The following PLAGL1 variants were observed in gnomAD, a reference collection of about 807,000 sequenced individuals.
PLAGL1 encodes the protein PLAG1 like zinc finger 1.
In PLAGL1, 1 loss-of-function variant was observed where a neutral mutation model predicts 4.6. The observed-to-expected ratio is 0.22, with a 90% CI of 0.08 to 1.03. The LOEUF (loss-of-function observed/expected upper bound fraction) is 1.03, where lower values mean the gene tolerates loss of function less well. PLAGL1 is among the 50% of genes least tolerant of loss of function. PLAGL1 has a pLI of 0.58. For missense variants in PLAGL1, 464 were observed against 570.4 expected (o/e 0.81, Z 1.90); for synonymous variants, 240 against 237.8 (o/e 1.01, Z -0.08).
At position 144,006,249 on chromosome 6, in the gene PLAGL1, C is replaced by T. The variant is rs1183166841; in HGVS notation, c.-584+1841G>A. The T allele has an allele frequency of 2.6e-5, 4 of 151,752 alleles. No homozygotes were observed. Among genetic ancestry groups the T allele is most frequent in the East Asian group, 1.9e-4 (1 of 5,190 alleles). The allele number at this position is 151,752 out of a possible 1,614,324, so 9.4% of individuals were successfully genotyped here. A position where few individuals can be genotyped will look rare whatever the true frequency, so the allele number is the denominator to read the frequency against. On this transcript the variant is annotated intron_variant, in intron 1 of 7. Coordinates refer to ENST00000674357, the MANE Select transcript of PLAGL1 (RefSeq NM_001317162.2). This position sits in a 1 kb window ranked among gnomAD's most constrained non-coding sequence, Gnocchi z 4.3. Reference sequence around the variant, plus strand: ...GAAGCCAGGAAATAAGAATAACAGACGGAGAGCCCTAGACTCAGGCTTCTT... The same window carrying T: ...GAAGCCAGGAAATAAGAATAACAGATGGAGAGCCCTAGACTCAGGCTTCTT...
chr6:143,971,357 T>C lies in PLAGL1; in HGVS notation c.-543-2379A>G, dbSNP rs1017590118. Among the ~76,000 whole-genome samples, 1 of 152,188 alleles carries C rather than the reference T, an allele frequency of 6.6e-6. No homozygotes were observed. The highest frequency in any genetic ancestry group is 1.5e-5 in the Non-Finnish European group (1 of 68,028). ...TGCAAATAAGTTTCCTTAAAAATAA[T>C]CTTGGTAGTGAACATAAAACAAAAA... On this transcript the variant is annotated intron_variant, in intron 2 of 7. Coordinates refer to ENST00000674357, the MANE Select transcript of PLAGL1 (RefSeq NM_001317162.2). The surrounding 1 kb of genome is among the most constrained non-coding windows in gnomAD (Gnocchi z 4.7).
chr6:144,016,208 A>C lies in PLAGL1; in HGVS notation c.-150-47230T>G, dbSNP rs2103888. Among the ~76,000 whole-genome samples the C allele has an allele frequency of 0.99, 150,738 of 152,244 alleles. 74,624 individuals are homozygous for C. Among genetic ancestry groups the C allele is most frequent in the East Asian group, 1 (5,180 of 5,180 alleles). Reference sequence around the variant, plus strand: ...AATAGGCTGTCTGCAAGCTGAGGAGAAAGGAGAGCCAGTCCGAGTCCCAAA... The same window carrying C: ...AATAGGCTGTCTGCAAGCTGAGGAGCAAGGAGAGCCAGTCCGAGTCCCAAA... On this transcript the variant is annotated intron_variant, in intron 1 of 3. Transcript: ENST00000437412. This position sits in a 1 kb window ranked among gnomAD's most constrained non-coding sequence, Gnocchi z 4.2.
rs980853651 is a variant in PLAGL1 at position 143,989,071 on chromosome 6, C to T, written c.-583-3897G>A. ...AAAATTCAGAGTAGACCACTCAAAACCTATGCACTTTTGTAATCACAGCGC... is the reference window on the plus strand; with the variant it reads ...AAAATTCAGAGTAGACCACTCAAAATCTATGCACTTTTGTAATCACAGCGC... On this transcript the variant is annotated intron_variant, in intron 1 of 7. Transcript: ENST00000674357. This position sits in a 1 kb window ranked among gnomAD's most constrained non-coding sequence, Gnocchi z 4.8. Among the ~76,000 whole-genome samples, 1 of 152,168 alleles carries T rather than the reference C, an allele frequency of 6.6e-6. No homozygotes were observed. The highest frequency in any genetic ancestry group is 1.5e-5 in the Non-Finnish European group (1 of 68,014).
rs895445781 is a variant in PLAGL1, at chr6:143,952,963, A to G, written c.-324-4503T>C. On this transcript the variant is annotated intron_variant, in intron 6 of 7. Transcript: ENST00000674357. This position sits in a 1 kb window ranked among gnomAD's most constrained non-coding sequence, Gnocchi z 6.1. ...TGATATCCAGAACCTCCAGGTAGTCATGGCTGCCATGGCTGCAGACCTCAC... is the reference window on the plus strand; with the variant it reads ...TGATATCCAGAACCTCCAGGTAGTCGTGGCTGCCATGGCTGCAGACCTCAC... Among the ~76,000 whole-genome samples, 1 of 152,234 alleles carries G rather than the reference A, an allele frequency of 6.6e-6. No individual in the cohort carries two copies. The highest frequency in any genetic ancestry group is 6.5e-5 in the Admixed American group (1 of 15,282).
At chr6:144,018,166 G>A (rs930802945) in intron 1 of PLAGL1, among the ~76,000 whole-genome samples, 4 of 152,172 alleles carry the variant, frequency 2.6e-5, no homozygotes, top group African/African-American at 4.8e-5. Flanking sequence ...AAGAGGAATA[G>A]GATATTTATA....
rs904293021 is a variant in PLAGL1, at chr6:143,995,381, T to G, written c.-583-10207A>C. Among the ~76,000 whole-genome samples, 3 of 152,158 alleles carry G rather than the reference T, an allele frequency of 2.0e-5. No individual in the cohort carries two copies. The highest frequency in any genetic ancestry group is 1.9e-4 in the East Asian group (1 of 5,190). On this transcript the variant is annotated intron_variant, in intron 1 of 7. Coordinates refer to ENST00000674357, the MANE Select transcript of PLAGL1 (RefSeq NM_001317162.2). This position sits in a 1 kb window ranked among gnomAD's most constrained non-coding sequence, Gnocchi z 4.4. ...TTGTTGTTTTGTTGTTATGGTTTTT[T>G]GGGGGTTTTTTTGCTTTGCTTTGGA...
At chr6:143,967,997 CAAAAAAAAAAA>C (rs60021436) in intron 3 of PLAGL1, 6 of 90,020 alleles carry the variant, frequency 6.7e-5, no homozygotes, top group African/African-American at 2.9e-4. Context: ...GGACATTTTG[CAAAAAAAAAAA>C]AAAAAAAAAA....
intron 1 of PLAGL1, among the ~76,000 whole-genome samples, chr6:144,043,401 T>C (rs929848071): frequency 1.1e-4 from 16 of 152,244 alleles, no homozygotes; most frequent in African/African-American, 3.1e-4. Flanking sequence ...TTGAATTTTG[T>C]TGAAGGCCTT....
In PLAGL1 at chr6:143,955,361, T is replaced by G. The variant is rs1269812548; in HGVS notation, c.-325+5108A>C. ...CAAAGGAGAAAACAGGCTAGAGAGA[T>G]GGAGAATCGTGAAGGGTCCACTCTA... On this transcript the variant is annotated intron_variant, in intron 6 of 7. Transcript: ENST00000674357. The surrounding 1 kb of genome is among the most constrained non-coding windows in gnomAD (Gnocchi z 4.9). 1.3e-5 allele frequency among the ~76,000 whole-genome samples: 2 copies of G among 152,130 alleles called. No individual in the cohort carries two copies. Among genetic ancestry groups the G allele is most frequent in the South Asian group, 4.1e-4 (2 of 4,826 alleles).
In PLAGL1 at chr6:143,941,695, A is replaced by ATTGT; in HGVS notation, c.1117_1120dup (p.Ile374AsnfsTer29). ...GGGGGACAGGTCCAGAGAGGCAGGT[A>ATTGT]TTGTTAGGTTCACAGCATCTGCAGG... On this transcript the variant is annotated frameshift_variant, in exon 8 of 8. Transcript: ENST00000674357. LOFTEE classifies it low-confidence loss of function (END_TRUNC). This position sits in a 1 kb window ranked among gnomAD's most constrained non-coding sequence, Gnocchi z 6.0. 1.2e-6 allele frequency: 2 copies of ATTGT among 1,614,190 alleles called. No individual in the cohort carries two copies. The highest frequency in any genetic ancestry group is 1.7e-6 in the Non-Finnish European group (2 of 1,180,024).
In PLAGL1 at chr6:143,950,188, C is replaced by T. The variant is rs1284061500; in HGVS notation, c.-324-1728G>A. ...CCAGGGGACACACAGGAGTCCTCGG[C>T]CAGCACCTTGGCACCACACCTTCTT... is the stretch of plus-strand genomic sequence containing the variant. On this transcript the variant is annotated intron_variant, in intron 6 of 7. Transcript: ENST00000674357. This position sits in a 1 kb window ranked among gnomAD's most constrained non-coding sequence, Gnocchi z 6.3. Among the ~76,000 whole-genome samples the T allele has an allele frequency of 2.0e-5, 3 of 152,182 alleles. No individual in the cohort carries two copies. The highest frequency in any genetic ancestry group is 4.4e-5 in the Non-Finnish European group (3 of 68,046).
intron 3 of PLAGL1, chr6:143,967,185 C>T (rs375070755): frequency 3.3e-5 from 5 of 152,188 alleles, no homozygotes; most frequent in Non-Finnish European, 5.9e-5. Context: ...CCTCAGTCTC[C>T]GTCACCATAA....
Position 143,995,725 on chromosome 6 carries a change from A to C in PLAGL1, c.-583-10551T>G, listed in dbSNP as rs1583530964. ...TTTTTTTTTTCCTGAAGACTAAAGG[A>C]AGAAAGATCACCCTTTCTACATGTT... On this transcript the variant is annotated intron_variant, in intron 1 of 7. Coordinates refer to ENST00000674357, the MANE Select transcript of PLAGL1 (RefSeq NM_001317162.2). The surrounding 1 kb of genome is among the most constrained non-coding windows in gnomAD (Gnocchi z 4.4). 6.6e-6 allele frequency among the ~76,000 whole-genome samples: 1 copy of C among 152,176 alleles called. No homozygotes were observed.
At chr6:143,967,674 G>A (rs1357275550) in intron 3 of PLAGL1, 1 of 152,214 alleles carries the variant, frequency 6.6e-6, no homozygotes. Flanking sequence ...GTATAATGAA[G>A]TGATGAGGGC....
intron 3 of PLAGL1, chr6:143,967,758 C>A (rs1212591105): frequency 6.6e-6 from 1 of 151,980 alleles, no homozygotes; most frequent in Admixed American, 6.6e-5. Context: ...TAATTAGAAT[C>A]GTTTGGAGAA....
At position 143,973,594 on chromosome 6, in the gene PLAGL1, C is replaced by T. The variant is rs183597217; in HGVS notation, c.-543-4616G>A. On this transcript the variant is annotated intron_variant, in intron 2 of 7. Coordinates refer to ENST00000674357, the MANE Select transcript of PLAGL1 (RefSeq NM_001317162.2). The surrounding 1 kb of genome is among the most constrained non-coding windows in gnomAD (Gnocchi z 6.2). Reference sequence around the variant, plus strand: ...TTCCTCCATCCTACAACCCTACAAGCGATAGTCTCACTGAACAATCTGCAA... The same window carrying T: ...TTCCTCCATCCTACAACCCTACAAGTGATAGTCTCACTGAACAATCTGCAA... Among the ~76,000 whole-genome samples the T allele has an allele frequency of 1.1e-4, 16 of 152,254 alleles. No homozygotes were observed. In the East Asian group the frequency reaches 2.1e-3, roughly 20 times the overall value.
intron 3 of PLAGL1, chr6:143,967,858 A>G (rs1196149776): frequency 6.6e-6 from 1 of 152,168 alleles, no homozygotes; most frequent in Non-Finnish European, 1.5e-5. Context: ...CAGTCTCAAG[A>G]CAAAGAATAG....
chr6:144,041,981 C>CT lies in PLAGL1; in HGVS notation c.-151+22486dup, dbSNP rs577245309. On this transcript the variant is annotated intron_variant, in intron 1 of 3. Transcript: ENST00000437412. The stretch of plus-strand genomic sequence containing the variant: ...TGTCTGTTGGCTGCATAAATGTCTT[C>CT]TTTTGAGAAGTATCTGTTCATATCC... Among the ~76,000 whole-genome samples, 732 of 152,284 alleles carry CT rather than the reference C, an allele frequency of 4.8e-3. 5 individuals are homozygous for CT. Among genetic ancestry groups the CT allele is most frequent in the African/African-American group, 0.017 (703 of 41,546 alleles).
At chr6:144,041,618 T>C (rs1797735541) in intron 1 of PLAGL1, among the ~76,000 whole-genome samples, 1 of 152,252 alleles carries the variant, frequency 6.6e-6, no homozygotes, top group African/African-American at 2.4e-5. Context: ...GTCTTTGCTA[T>C]TGTGAATAGT....
Sources: allele counts gnomAD v4.1 joint callset (sites outside exome capture counted in the v4.1 genomes callset), GRCh38; gene constraint gnomAD v4.1.1; non-coding constraint Gnocchi (gnomAD v3.1); transcripts MANE v1.5; gene names NCBI Gene and HGNC (gene_info 2026-07-23, HGNC 2026-07-21).